TMPRSS11F: variants seen among roughly 807,000 people sequenced by gnomAD.
TMPRSS11F encodes the protein transmembrane protease serine 11F.
In TMPRSS11F, 47 loss-of-function variants were observed where a neutral mutation model predicts 60.2. The observed-to-expected ratio is 0.78, with a 90% CI of 0.62 to 1.00. TMPRSS11F has a LOEUF of 1.00. TMPRSS11F is among the 50% of genes least tolerant of loss of function. TMPRSS11F has a pLI of 0.00. For synonymous variants in TMPRSS11F, 166 were observed against 167.3 expected (o/e 0.99, Z 0.06); for missense variants, 519 against 522.9 (o/e 0.99, Z 0.07).
At chr4:68,079,950 C>T (rs531905317) in intron 3 of TMPRSS11F, among the ~76,000 whole-genome samples, 2 of 152,338 alleles carry the variant, frequency 1.3e-5, no homozygotes, top group Admixed American at 6.5e-5. Flanking sequence ...CAGATTAAGT[C>T]CTCAAGGAAG....
At chr4:68,091,138 G>A (rs17089042) in intron 2 of TMPRSS11F, among the ~76,000 whole-genome samples, 30,997 of 151,912 alleles carry the variant, frequency 0.2, 3,663 homozygotes, top group Admixed American at 0.36. Flanking sequence ...TCTGCAATCT[G>A]TTCCTAACAC....
intron 1 of TMPRSS11F, among the ~76,000 whole-genome samples, chr4:68,112,817 A>C (rs1448584111): frequency 1.3e-5 from 2 of 152,132 alleles, no homozygotes; most frequent in Non-Finnish European, 1.5e-5. Context: ...TATGCTAATA[A>C]TTATACCTTC....
At chr4:68,083,688 G>A (rs1165170598) in intron 3 of TMPRSS11F, among the ~76,000 whole-genome samples, 2 of 152,076 alleles carry the variant, frequency 1.3e-5, no homozygotes, top group Non-Finnish European at 2.9e-5. Context: ...CCATTCAAAC[G>A]ACAGCAAATT....
chr4:68,087,697 TTTTATTTATTTA>T (rs71218930), intron 3 of TMPRSS11F, among the ~76,000 whole-genome samples: 11 of 149,146 alleles, frequency 7.4e-5, no homozygotes, highest in East Asian at 2.0e-4. Context: ...ATTAGTAGCA[TTTTATTTATTTA>T]TTTATTTATT....
intron 1 of TMPRSS11F, among the ~76,000 whole-genome samples, chr4:68,114,415 G>A (rs1724471387): frequency 6.6e-6 from 1 of 151,964 alleles, no homozygotes; most frequent in Admixed American, 6.6e-5. Context: ...ATAAAAGAAT[G>A]ATAAATAAAT....
rs944545069 is a variant in TMPRSS11F, at chr4:68,064,928, G to A, written c.772C>T (p.Gln258Ter). The part of the protein sequence containing the change: ...HCFWKNKDPT[Q>*]WIATFGATIT... ...GTTGCACCAAAAGTAGCAATCCATT[G>A]AGTTGGGTCTTTATTTCTGCAAAAA... The change falls in exon 8 of 10, where the codon CAA (glutamine) becomes TAA (stop). Residue 258 changes from glutamine to a stop codon, truncating the protein, a stop_gained. Coordinates refer to ENST00000356291, the MANE Select transcript of TMPRSS11F (RefSeq NM_207407.2). LOFTEE classifies it high-confidence loss of function. 1.2e-6 allele frequency: 2 copies of A among 1,612,612 alleles called. No individual in the cohort carries two copies. The highest frequency in any genetic ancestry group is 2.7e-5 in the African/African-American group (2 of 74,794).
chr4:68,123,799 T>C (rs1724665514), intron 1 of TMPRSS11F, among the ~76,000 whole-genome samples: 3 of 152,178 alleles, frequency 2.0e-5, no homozygotes, highest in Admixed American at 6.5e-5. Context: ...TATGCTAATA[T>C]GGCAAACCCA....
At chr4:68,074,166 TC>T (rs772630032) in intron 3 of TMPRSS11F, among the ~76,000 whole-genome samples, 157 bp from the exon 4 acceptor site, 1 of 152,214 alleles carries the variant, frequency 6.6e-6, no homozygotes, top group Non-Finnish European at 1.5e-5. Flanking sequence ...TTCAGCTTAT[TC>T]CCAGTCATGT....
At chr4:68,069,694 T>C (rs1293715198) in intron 6 of TMPRSS11F, among the ~76,000 whole-genome samples, 1 of 152,060 alleles carries the variant, frequency 6.6e-6, no homozygotes, top group East Asian at 1.9e-4. Flanking sequence ...TATTAAAAGT[T>C]ATTTATAATG....
intron 3 of TMPRSS11F, among the ~76,000 whole-genome samples, chr4:68,078,388 C>T (rs1002063594): frequency 6.6e-6 from 1 of 152,188 alleles, no homozygotes; most frequent in Non-Finnish European, 1.5e-5. Context: ...AAGTTGAACA[C>T]TCCTTTATTT....
chr4:68,061,359 C>A (rs1221192421), intron 8 of TMPRSS11F, among the ~76,000 whole-genome samples: 1 of 152,182 alleles, frequency 6.6e-6, no homozygotes, highest in Non-Finnish European at 1.5e-5. Context: ...CACAAGATAA[C>A]ATCATGTTGA....
chr4:68,095,895 C>CAAAAAAAAAAA (rs56309846), intron 2 of TMPRSS11F, among the ~76,000 whole-genome samples: 3 of 83,556 alleles, frequency 3.6e-5, no homozygotes, highest in Non-Finnish European at 6.6e-5. Flanking sequence ...GATTCCATCT[C>CAAAAAAAAAAA]AAAAAAAAAA....
rs753294309 is a variant in TMPRSS11F at position 68,054,057 on chromosome 4, C to T, written c.1169G>A (p.Gly390Asp). Residue 390 changes from glycine (G) to aspartate (D), a missense_variant, in exon 10 of 10, where the codon GGT becomes GAT. By Grantham distance (94) the Gly-to-Asp change is moderately conservative. Coordinates refer to ENST00000356291, the MANE Select transcript of TMPRSS11F (RefSeq NM_207407.2). ...GKIDACKGDSGGPLVYDNHDI... is the reference protein window; with the variant it reads ...GKIDACKGDSDGPLVYDNHDI... Reference sequence around the variant, plus strand: ...ATGATTATCATAAACCAGAGGTCCACCAGAATCTCCCTGAAATAAAAACAT... The same window carrying T: ...ATGATTATCATAAACCAGAGGTCCATCAGAATCTCCCTGAAATAAAAACAT... 3 of 1,611,626 alleles carry T rather than the reference C, an allele frequency of 1.9e-6. No homozygotes were observed. Among genetic ancestry groups the T allele is most frequent in the Non-Finnish European group, 2.5e-6 (3 of 1,178,484 alleles).
intron 4 of TMPRSS11F, among the ~76,000 whole-genome samples, chr4:68,073,288 AAG>A (rs1391346206): frequency 6.6e-6 from 1 of 152,226 alleles, no homozygotes; most frequent in African/African-American, 2.4e-5. Context: ...GCAGTTATAA[AAG>A]AGAATCATTT....
At chr4:68,059,061 G>A (rs1723102576) in intron 9 of TMPRSS11F, among the ~76,000 whole-genome samples, 1 of 152,182 alleles carries the variant, frequency 6.6e-6, no homozygotes, top group South Asian at 2.1e-4. Flanking sequence ...AAATGACTGG[G>A]AGGCTGGGGG....
At chr4:68,072,220 C>A (rs1472211937) in intron 5 of TMPRSS11F, 103 bp downstream of exon 5, 3,588 of 29,256 alleles carry the variant, frequency 0.12, 267 homozygotes, top group African/African-American at 0.26. Flanking sequence ...TATATATCTT[C>A]CAAAAAAAAA....
chr4:68,076,538 T>C (rs1166937136), intron 3 of TMPRSS11F, among the ~76,000 whole-genome samples: 3 of 152,188 alleles, frequency 2.0e-5, no homozygotes, highest in Non-Finnish European at 4.4e-5. Flanking sequence ...TATAGTCTCT[T>C]TGTACCCTTT....
intron 8 of TMPRSS11F, chr4:68,062,165 T>A (rs1427658179): frequency 1.7e-5 from 7 of 415,388 alleles, no homozygotes; most frequent in Non-Finnish European, 3.3e-5. Context: ...ATATGTAGAG[T>A]GATATTAAAA....
intron 1 of TMPRSS11F, among the ~76,000 whole-genome samples, chr4:68,116,824 C>G (rs1284729438): frequency 6.6e-6 from 1 of 152,070 alleles, no homozygotes; most frequent in Non-Finnish European, 1.5e-5. Flanking sequence ...TATTTCACAC[C>G]TTTCATAAAA....
Sources: gnomAD v4.1 joint callset for allele counts (sites outside exome capture counted in the v4.1 genomes callset) on GRCh38, gnomAD v4.1.1 for gene constraint, MANE v1.5 for transcripts, NCBI Gene and HGNC (gene_info 2026-07-23, HGNC 2026-07-21) for gene names.